EHBP1: variants seen among roughly 807,000 people sequenced by gnomAD.
EHBP1 encodes the protein EH domain-binding protein 1.
Under a neutral mutation model 144.0 loss-of-function variants are expected in EHBP1, and 55 were observed. The observed-to-expected ratio is 0.38, with a 90% CI of 0.31 to 0.48. The LOEUF (loss-of-function observed/expected upper bound fraction) is 0.48, where lower values mean the gene tolerates loss of function less well. Ranked by LOEUF, EHBP1 falls within the 20% of genes least tolerant of loss-of-function variation. The pLI is 0.98. For missense variants in EHBP1, 1,200 were observed against 1,364.2 expected, an observed-to-expected ratio of 0.88 and a Z score of 1.90; for synonymous variants, 469 against 472.7, an observed-to-expected ratio of 0.99 and a Z score of 0.10.
At chr2:63,036,865 A>T (rs2061460141) in intron 19 of EHBP1, among the ~76,000 whole-genome samples, 1 of 151,918 alleles carries the variant, frequency 6.6e-6, no homozygotes, top group South Asian at 2.1e-4. Context: ...TCCTGTGTAC[A>T]ATCAGTTATA....
intron 10 of EHBP1, among the ~76,000 whole-genome samples, chr2:62,936,395 CTT>C (rs1441016924): frequency 6.6e-6 from 1 of 152,048 alleles, no homozygotes; most frequent in Non-Finnish European, 1.5e-5. Context: ...TTAATTTAGT[CTT>C]TTCAAAGAAG....
At chr2:62,765,140 A>G (rs549511432) in intron 4 of EHBP1, among the ~76,000 whole-genome samples, 5 of 152,274 alleles carry the variant, frequency 3.3e-5, no homozygotes, top group Admixed American at 1.3e-4. Flanking sequence ...GCTAGAAGCA[A>G]TTCTCATTAC....
At chr2:62,966,792 A>G (rs919036748) in intron 14 of EHBP1, among the ~76,000 whole-genome samples, 4 of 152,182 alleles carry the variant, frequency 2.6e-5, no homozygotes, top group African/African-American at 9.6e-5. Context: ...TTAAACAGTT[A>G]TTATAAAAAG....
At chr2:62,734,558 G>T (rs1439693831) in intron 2 of EHBP1, among the ~76,000 whole-genome samples, 1 of 151,886 alleles carries the variant, frequency 6.6e-6, no homozygotes, top group Non-Finnish European at 1.5e-5. Context: ...ATTTAAAGTA[G>T]GTTTCTTATG....
At chr2:62,763,484 G>T (rs568315809) in intron 3 of EHBP1, among the ~76,000 whole-genome samples, 3 of 152,174 alleles carry the variant, frequency 2.0e-5, no homozygotes, top group Non-Finnish European at 4.4e-5. Context: ...ACATGGACCG[G>T]CACATAGAAA....
At chr2:62,896,955 T>C (rs2052987976) in intron 10 of EHBP1, among the ~76,000 whole-genome samples, 1 of 152,176 alleles carries the variant, frequency 6.6e-6, no homozygotes, top group African/African-American at 2.4e-5. Flanking sequence ...TATAAATTTT[T>C]AGCAGAATTG....
chr2:62,861,640 G>A (rs988077076), intron 8 of EHBP1, among the ~76,000 whole-genome samples: 1 of 151,728 alleles, frequency 6.6e-6, no homozygotes, highest in African/African-American at 2.4e-5. Flanking sequence ...TGTTTGGGAG[G>A]CTGAGGCAGG....
chr2:62,990,786 A>G lies in EHBP1; in HGVS notation c.2679A>G (p.Ser893=). 5 of 1,613,920 alleles carry G rather than the reference A, an allele frequency of 3.1e-6. No individual in the cohort carries two copies. Among genetic ancestry groups the G allele is most frequent in the Non-Finnish European group, 4.2e-6 (5 of 1,179,874 alleles). The part of the protein sequence containing the change: ...LLEVQPQVAN[S]PSSAAQKAVT... ...AAGTTCAGCCACAGGTGGCAAATTC[A>G]CCCTCCAGTGCTGCCCAGAAAGCTG... The change falls in exon 16 of 23, where the codon TCA becomes TCG. Residue 893 remains serine, a synonymous_variant. Coordinates refer to ENST00000431489, the MANE Select transcript of EHBP1 (RefSeq NM_001142616.3).
chr2:63,022,244 A>G (rs1374274262), intron 19 of EHBP1, among the ~76,000 whole-genome samples: 1 of 151,924 alleles, frequency 6.6e-6, no homozygotes, highest in Admixed American at 6.6e-5. Context: ...TGGCCATTCT[A>G]TTGTGGAGAC....
intron 5 of EHBP1, among the ~76,000 whole-genome samples, chr2:62,802,858 G>A (rs933842059): frequency 1.3e-5 from 2 of 151,576 alleles, no homozygotes; most frequent in African/African-American, 4.8e-5. Context: ...CCCAATAGCT[G>A]GGATTAGAGG....
chr2:62,864,923 A>G lies in EHBP1; in HGVS notation c.950A>G (p.Lys317Arg), dbSNP rs191301441. Reference sequence around the variant, plus strand: ...AATATAAGACCTGTGGATATGAGCAAGTACCTCTATGCTGATAGTTCTAAA... The same window carrying G: ...AATATAAGACCTGTGGATATGAGCAGGTACCTCTATGCTGATAGTTCTAAA... The part of the protein sequence containing the change: ...RKNIRPVDMS[K>R]YLYADSSKTE... The change falls in exon 9 of 23, where the codon AAG (lysine) becomes AGG (arginine). Residue 317 changes from lysine (K) to arginine (R), a missense_variant. Physicochemically the swap from Lys to Arg is conservative, Grantham distance 26. Around this residue, in one of 6 missense-constraint regions of EHBP1, gnomAD observed 266 missense variants for 262.4 expected, o/e 1.01. Coordinates refer to ENST00000431489, the MANE Select transcript of EHBP1 (RefSeq NM_001142616.3). The G allele has an allele frequency of 1.1e-4, 171 of 1,613,948 alleles. 1 individual carries two copies. In the Admixed American group the frequency reaches 1.6e-3, roughly 15 times the overall value.
At chr2:62,942,658 T>C (rs2056827744) in intron 10 of EHBP1, 60 bp from the exon 11 acceptor site, 1 of 1,447,050 alleles carries the variant, frequency 6.9e-7, no homozygotes, top group Non-Finnish European at 9.4e-7. Flanking sequence ...GGTCAATTAA[T>C]GTTAATTTTC....
intron 19 of EHBP1, among the ~76,000 whole-genome samples, chr2:63,010,476 C>A (rs1270320289): frequency 6.6e-6 from 1 of 151,480 alleles, no homozygotes; most frequent in African/African-American, 2.4e-5. Context: ...GTGTTCACAG[C>A]TAAATGAATC....
chr2:62,697,854 C>G (rs1327279778), intron 1 of EHBP1, among the ~76,000 whole-genome samples: 1 of 152,130 alleles, frequency 6.6e-6, no homozygotes, highest in Admixed American at 6.5e-5. Flanking sequence ...TAAGAGAAAA[C>G]AGAATGAACT....
intron 13 of EHBP1, among the ~76,000 whole-genome samples, chr2:62,949,756 T>G (rs1357101463): frequency 6.6e-6 from 1 of 152,176 alleles, no homozygotes; most frequent in African/African-American, 2.4e-5. Flanking sequence ...AGCATCCAAA[T>G]TTCTCCTCAT....
Position 62,755,933 on chromosome 2 carries a change from A to G in EHBP1, c.163-8333A>G, listed in dbSNP as rs78057738. 5.5e-4 allele frequency among the ~76,000 whole-genome samples: 84 copies of G among 152,256 alleles called. No individual in the cohort carries two copies. In the East Asian group the frequency reaches 0.011, roughly 20 times the overall value. ...AAAAATTAGATAGCAATTATTGTCT[A>G]AGAGAAAATGAGAAACATAAGGAAA... On this transcript the variant is annotated intron_variant, in intron 3 of 22. Coordinates refer to ENST00000431489, the MANE Select transcript of EHBP1 (RefSeq NM_001142616.3).
intron 7 of EHBP1, among the ~76,000 whole-genome samples, chr2:62,838,236 G>A (rs2047462227): frequency 6.6e-6 from 1 of 152,304 alleles, no homozygotes; most frequent in East Asian, 1.9e-4. Context: ...GCTCTTGAAT[G>A]ACTACTGGGT....
chr2:62,884,032 C>T (rs559581195), intron 10 of EHBP1, among the ~76,000 whole-genome samples: 29 of 152,220 alleles, frequency 1.9e-4, no homozygotes, highest in African/African-American at 7.0e-4. Flanking sequence ...AAGTGCATAA[C>T]AGAATATAGT....
At chr2:62,866,577 T>C (rs2050056176) in intron 9 of EHBP1, among the ~76,000 whole-genome samples, 1 of 152,208 alleles carries the variant, frequency 6.6e-6, no homozygotes, top group Non-Finnish European at 1.5e-5. Flanking sequence ...GATGAGATTT[T>C]TCATCTCATA....
Sources: allele counts gnomAD v4.1 joint callset (sites outside exome capture counted in the v4.1 genomes callset), GRCh38; gene constraint gnomAD v4.1.1; regional missense constraint gnomAD v4.1.1; transcripts MANE v1.5; gene names NCBI Gene and HGNC (gene_info 2026-07-23, HGNC 2026-07-21).